The following CIMIP4 variants were observed in gnomAD, a reference collection of about 807,000 sequenced individuals.
CIMIP4 encodes protein EAN57.
At chr22:36,994,995 C>A in the CIMIP4 span, among the ~76,000 whole-genome samples, 5 of 152,096 alleles carry the variant, frequency 3.3e-5, no homozygotes, top group Non-Finnish European at 7.4e-5. Flanking sequence ...GGCTCTAAAG[C>A]AAATCTGAAC....
chr22:36,999,193 A>T, the CIMIP4 span, among the ~76,000 whole-genome samples: 4 of 151,244 alleles, frequency 2.6e-5, no homozygotes, highest in Non-Finnish European at 5.9e-5. Context: ...GCAGTGACTC[A>T]TGCCTGTAAT....
the CIMIP4 span, chr22:36,991,325 C>T: frequency 6.2e-7 from 1 of 1,602,374 alleles, no homozygotes; most frequent in Non-Finnish European, 8.5e-7. Context: ...ATCTGGCAGT[C>T]TCTGGAGTTG....
At chr22:36,999,315 A>AT in the CIMIP4 span, among the ~76,000 whole-genome samples, 4 of 147,886 alleles carry the variant, frequency 2.7e-5, no homozygotes, top group Non-Finnish European at 6.0e-5. Context: ...AAAAAAAAAA[A>AT]CAGAAAAGAA....
the CIMIP4 span, chr22:36,999,905 T>C: frequency 2.5e-6 from 4 of 1,613,996 alleles, no homozygotes; most frequent in Non-Finnish European, 1.7e-6. Context: ...GGAGGAGATT[T>C]CCACAGGATT....
chr22:36,995,234 G>A, the CIMIP4 span, among the ~76,000 whole-genome samples: 4 of 152,220 alleles, frequency 2.6e-5, no homozygotes, highest in Admixed American at 2.0e-4. Context: ...AGGACAGGAC[G>A]TAAGCTACCA....
the CIMIP4 span, among the ~76,000 whole-genome samples, chr22:37,002,685 C>A: frequency 1.8e-4 from 28 of 152,282 alleles, no homozygotes; most frequent in African/African-American, 6.3e-4. Flanking sequence ...GGATAGTTCC[C>A]TTCCCCACTT....
At chr22:37,001,032 C>A in the CIMIP4 span, among the ~76,000 whole-genome samples, 1 of 152,082 alleles carries the variant, frequency 6.6e-6, no homozygotes, top group Admixed American at 6.6e-5. Flanking sequence ...GCCTGACCTT[C>A]CACACAATGC....
chr22:37,002,230 G>C, the CIMIP4 span: 1 of 1,457,934 alleles, frequency 6.9e-7, no homozygotes, highest in African/African-American at 1.4e-5. Flanking sequence ...AGGAACTGTA[G>C]GCCGCTTTCC....
At chr22:36,992,282 G>T in the CIMIP4 span, among the ~76,000 whole-genome samples, 1 of 152,180 alleles carries the variant, frequency 6.6e-6, no homozygotes, top group Non-Finnish European at 1.5e-5. Context: ...GGGAGGCGGA[G>T]GTTGCAGTGA....
chr22:37,002,507 C>A, the CIMIP4 span, among the ~76,000 whole-genome samples: 1 of 151,960 alleles, frequency 6.6e-6, no homozygotes, highest in Non-Finnish European at 1.5e-5. Context: ...TTAGGAGACA[C>A]AATGGGAGAA....
chr22:37,002,011 G>C, the CIMIP4 span: 74 of 1,613,446 alleles, frequency 4.6e-5, no homozygotes, highest in Non-Finnish European at 8.5e-7. Context: ...AGGTGGCCCT[G>C]TTCTCTCTCG....
At chr22:36,993,116 A>G in the CIMIP4 span, among the ~76,000 whole-genome samples, 72 of 148,780 alleles carry the variant, frequency 4.8e-4, no homozygotes, top group African/African-American at 1.5e-3. Flanking sequence ...GGTTCAATCT[A>G]CTCTCCTGCC....
the CIMIP4 span, among the ~76,000 whole-genome samples, chr22:36,996,488 T>C: frequency 1.4e-5 from 2 of 138,654 alleles, no homozygotes; most frequent in East Asian, 3.9e-4. Flanking sequence ...CTGCATGATG[T>C]TTATAGAAAA....
At chr22:36,998,134 T>G in the CIMIP4 span, among the ~76,000 whole-genome samples, 1 of 152,220 alleles carries the variant, frequency 6.6e-6, no homozygotes, top group African/African-American at 2.4e-5. Flanking sequence ...ACATGGACAT[T>G]TTTAAAAATA....
the CIMIP4 span, among the ~76,000 whole-genome samples, chr22:37,000,168 TCTC>T: frequency 6.6e-6 from 1 of 151,938 alleles, no homozygotes; most frequent in African/African-American, 2.4e-5. Context: ...CCCCAACTCC[TCTC>T]ATCATCTGCA....
At chr22:37,006,938 C>T in the CIMIP4 span, among the ~76,000 whole-genome samples, 1 of 152,172 alleles carries the variant, frequency 6.6e-6, no homozygotes, top group Non-Finnish European at 1.5e-5. Context: ...AGCCAGTTTC[C>T]CTGTTGTGAG....
chr22:36,999,548 GAGAGAA>G, the CIMIP4 span, among the ~76,000 whole-genome samples: 1 of 23,336 alleles, frequency 4.3e-5, no homozygotes, highest in Non-Finnish European at 7.1e-5. Context: ...GAGGGGAGGG[GAGAGAA>G]GGGGAGGGGA....
At chr22:36,991,132 A>C in the CIMIP4 span, 1 of 1,573,996 alleles carries the variant, frequency 6.4e-7, no homozygotes, top group South Asian at 1.1e-5. Context: ...GCCTTTCCTT[A>C]TTGTTAGCAC....
At chr22:37,001,595 C>G in the CIMIP4 span, among the ~76,000 whole-genome samples, 1 of 152,124 alleles carries the variant, frequency 6.6e-6, no homozygotes, top group African/African-American at 2.4e-5. Context: ...CTCCTCTAAG[C>G]CTCGGTCTCC....
Sources: gnomAD v4.1 joint callset for allele counts (sites outside exome capture counted in the v4.1 genomes callset) on GRCh38, gnomAD v4.1.1 for gene constraint, MANE v1.5 for transcripts, NCBI Gene and HGNC (gene_info 2026-07-23, HGNC 2026-07-21) for gene names.